SSBP3: variants seen among roughly 807,000 people sequenced by gnomAD.
The protein encoded by SSBP3 is single stranded DNA binding protein 3.
SSBP3 carries 5 observed loss-of-function variants against 69.6 expected under a neutral mutation model. The ratio of observed to expected loss-of-function variants is 0.07; its 90% CI spans 0.04 to 0.15. The LOEUF (loss-of-function observed/expected upper bound fraction) is 0.15. Among genes scored for constraint, SSBP3 ranks in the 10% least tolerant of loss-of-function variants. The pLI is 1.00. For missense variants in SSBP3, 312 were observed against 534.0 expected (o/e 0.58, Z 4.10); for synonymous variants, 196 against 193.4 (o/e 1.01, Z -0.11).
At chr1:54,294,159 A>AAAAGAAAGAAAGAAAG (rs747680453) in intron 4 of SSBP3, among the ~76,000 whole-genome samples, 4 of 86,196 alleles carry the variant, frequency 4.6e-5, no homozygotes, top group African/African-American at 1.2e-4. Context: ...AAAAAAAAAA[A>AAAAGAAAGAAAGAAAG]AAAGAAAGAA....
chr1:54,239,169 G>A, exon 14 of SSBP3: 1 of 1,613,888 alleles, frequency 6.2e-7, no homozygotes, highest in Non-Finnish European at 8.5e-7. Flanking sequence ...ATTAATCATT[G>A]TGTAGATGTT....
chr1:54,339,586 T>A (rs564911265), intron 4 of SSBP3, among the ~76,000 whole-genome samples: 29 of 151,976 alleles, frequency 1.9e-4, no homozygotes, highest in African/African-American at 7.0e-4. Context: ...AAAACATCAT[T>A]GCAGGAGAGG....
intron 5 of SSBP3, among the ~76,000 whole-genome samples, chr1:54,268,771 AC>A (rs1353898273): frequency 3.9e-5 from 6 of 152,190 alleles, no homozygotes; most frequent in Non-Finnish European, 1.5e-5. Context: ...CAGGGGAAGA[AC>A]CAGGACTCTG....
At chr1:54,405,317 G>C (rs1185835292) in intron 1 of SSBP3, 3 of 266,254 alleles carry the variant, frequency 1.1e-5, no homozygotes, top group Admixed American at 9.1e-5. Context: ...CTGGACTCCG[G>C]GTGCTTGGCG....
At chr1:54,362,006 TTAAA>T (rs1452635640) in intron 4 of SSBP3, among the ~76,000 whole-genome samples, 4 of 152,222 alleles carry the variant, frequency 2.6e-5, no homozygotes, top group Non-Finnish European at 5.9e-5. Context: ...AGGAGAGGTA[TTAAA>T]GACCTGGCAA....
chr1:54,399,105 C>T (rs542954943), intron 4 of SSBP3, among the ~76,000 whole-genome samples: 32 of 152,378 alleles, frequency 2.1e-4, no homozygotes, highest in Admixed American at 1.9e-3. Context: ...TCTTACCTAA[C>T]TCCTTCATAC....
At chr1:54,247,998 C>T (rs770471361) in intron 9 of SSBP3, among the ~76,000 whole-genome samples, 19 of 152,208 alleles carry the variant, frequency 1.2e-4, no homozygotes, top group Non-Finnish European at 2.5e-4. Context: ...GTGATACCTG[C>T]GTTGCTGGTT....
chr1:54,347,365 CT>C (rs35306141), intron 4 of SSBP3, among the ~76,000 whole-genome samples: 1 of 146,910 alleles, frequency 6.8e-6, no homozygotes, highest in Admixed American at 6.7e-5. Context: ...AATTTGTCCC[CT>C]TTTTAAAAAA....
At chr1:54,234,750 G>GAC (rs901821893) in intron 14 of SSBP3, among the ~76,000 whole-genome samples, 2 of 150,544 alleles carry the variant, frequency 1.3e-5, no homozygotes, top group Non-Finnish European at 2.9e-5. Flanking sequence ...TAGCCTTTAG[G>GAC]ACATCCTTTT....
At chr1:54,264,284 G>A (rs917236211) in intron 5 of SSBP3, among the ~76,000 whole-genome samples, 2 of 152,162 alleles carry the variant, frequency 1.3e-5, no homozygotes, top group African/African-American at 2.4e-5. Context: ...CCTGGGTGAC[G>A]GTGAGACCTG....
At chr1:54,232,865 A>G (rs915397774) in intron 14 of SSBP3, among the ~76,000 whole-genome samples, 1 of 152,132 alleles carries the variant, frequency 6.6e-6, no homozygotes. Flanking sequence ...TTGCAGACGG[A>G]GTCTCGTTCA....
At chr1:54,310,046 G>A (rs1015177463) in intron 4 of SSBP3, among the ~76,000 whole-genome samples, 3 of 152,098 alleles carry the variant, frequency 2.0e-5, no homozygotes, top group South Asian at 2.1e-4. Context: ...TTGAATACCC[G>A]CAGATCTCGG....
At position 54,300,969 on chromosome 1, in the gene SSBP3, C is replaced by T. The variant is rs919882577; in HGVS notation, c.277-19442G>A. ...TCCAACATCCCAAATGCTCTGTGCC[C>T]CTGGTGTGGCATTTAAGAGATGGAC... is the stretch of plus-strand genomic sequence containing the variant. On this transcript the variant is annotated intron_variant, in intron 4 of 17. Transcript: ENST00000610401. Among the ~76,000 whole-genome samples, 18 of 152,202 alleles carry T rather than the reference C, an allele frequency of 1.2e-4. No individual in the cohort carries two copies. In the East Asian group the frequency reaches 3.1e-3, roughly 26 times the overall value.
At chr1:54,408,551 C>G (rs535253408), upstream of SSBP3, among the ~76,000 whole-genome samples, 5 of 152,294 alleles carry the variant, frequency 3.3e-5, no homozygotes, top group Admixed American at 3.3e-4. Flanking sequence ...TGCCCTTCTC[C>G]GGCCCTGCTA....
chr1:54,337,317 A>T (rs779476941), intron 4 of SSBP3, among the ~76,000 whole-genome samples: 1 of 152,002 alleles, frequency 6.6e-6, no homozygotes, highest in African/African-American at 2.4e-5. Context: ...GGTGTTGCAG[A>T]AGCTGGTTTA....
chr1:54,244,699 G>A (rs1644703535), intron 9 of SSBP3, among the ~76,000 whole-genome samples: 1 of 152,150 alleles, frequency 6.6e-6, no homozygotes, highest in African/African-American at 2.4e-5. Context: ...AGTGTTGCTC[G>A]TGACCCTCTC....
At chr1:54,240,851 A>C in intron 13 of SSBP3, 54 bp downstream of exon 13, 1 of 1,610,544 alleles carries the variant, frequency 6.2e-7, no homozygotes, top group Non-Finnish European at 8.5e-7. Context: ...CTCTCTGGCA[A>C]CATGCCCCAC....
intron 4 of SSBP3, among the ~76,000 whole-genome samples, chr1:54,283,130 G>C (rs1280597874): frequency 6.6e-6 from 1 of 152,110 alleles, no homozygotes; most frequent in Non-Finnish European, 1.5e-5. Context: ...AGCTGGATGT[G>C]GTGGTGGGCG....
chr1:54,317,307 C>T (rs1206757492), intron 4 of SSBP3, among the ~76,000 whole-genome samples: 5 of 152,258 alleles, frequency 3.3e-5, no homozygotes, highest in East Asian at 1.9e-4. Context: ...GAGGCCAAGG[C>T]GGGCAGATCG....
Sources: gnomAD v4.1 joint callset for allele counts (sites outside exome capture counted in the v4.1 genomes callset) on GRCh38, gnomAD v4.1.1 for gene constraint, MANE v1.5 for transcripts, NCBI Gene and HGNC (gene_info 2026-07-23, HGNC 2026-07-21) for gene names.